The following KCNQ5 variants were observed in gnomAD, a reference collection of about 807,000 sequenced individuals.
KCNQ5 encodes potassium voltage-gated channel subfamily KQT member 5.
Under a neutral mutation model 98.2 loss-of-function variants are expected in KCNQ5, and 30 were observed. The ratio of observed to expected loss-of-function variants is 0.31; its 90% CI spans 0.23 to 0.41. The LOEUF is 0.41. Ranked by LOEUF, KCNQ5 falls within the 10% of genes least tolerant of loss-of-function variation. The probability of loss-of-function intolerance (pLI) is 1.00; values close to 1 mark genes in which losing one functional copy is unlikely to be tolerated. For synonymous variants in KCNQ5, 458 were observed against 449.4 expected, an observed-to-expected ratio of 1.02 and a Z score of -0.24; for missense variants, 835 against 1,182.5, an observed-to-expected ratio of 0.71 and a Z score of 4.31.
At chr6:72,942,334 T>C (rs1219854688) in intron 1 of KCNQ5, among the ~76,000 whole-genome samples, 1 of 152,216 alleles carries the variant, frequency 6.6e-6, no homozygotes, top group Non-Finnish European at 1.5e-5. Context: ...CATAAATTAA[T>C]GTTAATATTA....
intron 6 of KCNQ5, among the ~76,000 whole-genome samples, chr6:73,109,353 G>A (rs749799766): frequency 6.6e-6 from 1 of 152,190 alleles, no homozygotes; most frequent in Non-Finnish European, 1.5e-5. Flanking sequence ...ATGGTAGCTA[G>A]TGCTGTTAAT....
chr6:73,003,551 C>T (rs992078730), intron 1 of KCNQ5, among the ~76,000 whole-genome samples: 1 of 151,984 alleles, frequency 6.6e-6, no homozygotes, highest in Non-Finnish European at 1.5e-5. Flanking sequence ...AGTGTGGATT[C>T]CCCAGATAGG....
At chr6:72,978,632 A>G (rs574627159) in intron 1 of KCNQ5, among the ~76,000 whole-genome samples, 1 of 152,330 alleles carries the variant, frequency 6.6e-6, no homozygotes, top group Non-Finnish European at 1.5e-5. Flanking sequence ...AGACTAAAGT[A>G]AGTGGACAGA....
intron 3 of KCNQ5, among the ~76,000 whole-genome samples, chr6:73,077,094 T>C (rs1773571647): frequency 6.6e-6 from 1 of 152,210 alleles, no homozygotes; most frequent in African/African-American, 2.4e-5. Context: ...AAGCGCAGAA[T>C]GGCCAAAGGG....
chr6:72,730,304 A>G (rs1770493992), intron 1 of KCNQ5, among the ~76,000 whole-genome samples: 1 of 152,160 alleles, frequency 6.6e-6, no homozygotes, highest in African/African-American at 2.4e-5. Context: ...TTAAACAACT[A>G]TTTAGATTTT....
intron 1 of KCNQ5, among the ~76,000 whole-genome samples, chr6:72,711,051 A>G (rs1434750568): frequency 1.3e-5 from 2 of 152,256 alleles, no homozygotes; most frequent in African/African-American, 4.8e-5. Flanking sequence ...AAATTAGCAA[A>G]TATGTGGAAA....
At chr6:72,635,258 G>A (rs1453859076) in intron 1 of KCNQ5, among the ~76,000 whole-genome samples, 3 of 151,830 alleles carry the variant, frequency 2.0e-5, no homozygotes, top group Admixed American at 6.6e-5. Flanking sequence ...TTGAACTCCT[G>A]GGCTCAAGCA....
chr6:73,151,643 A>G (rs1320958928), intron 10 of KCNQ5, among the ~76,000 whole-genome samples: 2 of 152,242 alleles, frequency 1.3e-5, no homozygotes, highest in African/African-American at 4.8e-5. Context: ...AAATTGCGTC[A>G]GGTAACCAAT....
At chr6:73,002,379 C>T (rs907240235) in intron 1 of KCNQ5, among the ~76,000 whole-genome samples, 10 of 152,154 alleles carry the variant, frequency 6.6e-5, no homozygotes, top group Non-Finnish European at 1.5e-4. Context: ...CTTTCTGCTA[C>T]ACAACCTTGG....
At chr6:72,727,300 T>A (rs537038954) in intron 1 of KCNQ5, among the ~76,000 whole-genome samples, 1 of 152,294 alleles carries the variant, frequency 6.6e-6, no homozygotes, top group South Asian at 2.1e-4. Flanking sequence ...TCAAGATTTA[T>A]GAGGAAGTTA....
intron 3 of KCNQ5, among the ~76,000 whole-genome samples, chr6:73,073,136 A>C (rs1773370268): frequency 6.6e-6 from 1 of 151,946 alleles, no homozygotes; most frequent in African/African-American, 2.4e-5. Flanking sequence ...TTCCTCCTCC[A>C]TCCCTATCCC....
chr6:73,195,293 C>T lies in KCNQ5; in HGVS notation c.2678C>T (p.Ala893Val), dbSNP rs1427601429. 5 of 1,614,076 alleles carry T rather than the reference C, an allele frequency of 3.1e-6. No individual in the cohort carries two copies. The highest frequency in any genetic ancestry group is 4.2e-6 in the Non-Finnish European group (5 of 1,179,958). Residue 893 changes from alanine to valine, a missense_variant, in exon 14 of 14, where the codon GCC (alanine) becomes GTC (valine). Ala to Val is a moderately conservative substitution (Grantham distance 64). Transcript: ENST00000370398. ...ACTTTTGATGCCGCACCGCAGCCTGCCAGGGAAGCTGCCTTTGCATCAGAC... is the reference window on the plus strand; with the variant it reads ...ACTTTTGATGCCGCACCGCAGCCTGTCAGGGAAGCTGCCTTTGCATCAGAC... The part of the protein sequence containing the change: ...TDTFDAAPQP[A>V]REAAFASDSL...
intron 1 of KCNQ5, among the ~76,000 whole-genome samples, chr6:72,958,161 AGCTCAAACT>A (rs1468215480): frequency 3.3e-5 from 5 of 152,124 alleles, no homozygotes; most frequent in African/African-American, 4.8e-5. Flanking sequence ...TCCCTTATGA[AGCTCAAACT>A]GCCCATTACA....
chr6:72,900,685 G>A (rs9360615), intron 1 of KCNQ5, among the ~76,000 whole-genome samples: 1 of 151,930 alleles, frequency 6.6e-6, no homozygotes, highest in East Asian at 1.9e-4. Context: ...GGGGTTGCTG[G>A]ATCAAATAGT....
rs578118006 is a variant in KCNQ5 at position 73,125,688 on chromosome 6, T to C, written c.1247+1176T>C. On this transcript the variant is annotated intron_variant, in intron 9 of 13. Coordinates refer to ENST00000370398, the MANE Select transcript of KCNQ5 (RefSeq NM_019842.4). Reference sequence around the variant, plus strand: ...ATTATCCATTTTTGCATTATGTTTATATGTAAAGATAAACAAATGAAAACA... The same window carrying C: ...ATTATCCATTTTTGCATTATGTTTACATGTAAAGATAAACAAATGAAAACA... Among the ~76,000 whole-genome samples the C allele has an allele frequency of 3.9e-5, 6 of 152,282 alleles. No individual in the cohort carries two copies. In the South Asian group the frequency reaches 1.2e-3, roughly 32 times the overall value.
At chr6:73,058,433 A>G (rs1288800157) in intron 3 of KCNQ5, among the ~76,000 whole-genome samples, 1 of 152,164 alleles carries the variant, frequency 6.6e-6, no homozygotes, top group Non-Finnish European at 1.5e-5. Context: ...ACCTAAAACT[A>G]TAAAAACCCT....
intron 3 of KCNQ5, among the ~76,000 whole-genome samples, chr6:73,066,504 A>G (rs1176862581): frequency 1.3e-5 from 2 of 152,238 alleles, no homozygotes; most frequent in African/African-American, 4.8e-5. Context: ...TATTTGTCGA[A>G]TGAACTAATG....
intron 10 of KCNQ5, among the ~76,000 whole-genome samples, chr6:73,137,946 T>C (rs1776539655): frequency 6.6e-6 from 1 of 151,380 alleles, no homozygotes; most frequent in Non-Finnish European, 1.5e-5. Context: ...CAGATTCCCC[T>C]TCCCATATAA....
intron 1 of KCNQ5, among the ~76,000 whole-genome samples, chr6:72,770,251 A>G (rs1196699465): frequency 1.3e-5 from 2 of 152,154 alleles, no homozygotes; most frequent in Non-Finnish European, 2.9e-5. Flanking sequence ...AAGAGAGGAA[A>G]GAGACAAAGG....
Sources: gnomAD v4.1 joint callset for allele counts (sites outside exome capture counted in the v4.1 genomes callset) on GRCh38, gnomAD v4.1.1 for gene constraint, MANE v1.5 for transcripts, NCBI Gene and HGNC (gene_info 2026-07-23, HGNC 2026-07-21) for gene names.